The following ZNF438 variants were observed in gnomAD, a reference collection of about 807,000 sequenced individuals.
The protein encoded by ZNF438 is zinc finger protein 438.
ZNF438 carries 25 observed loss-of-function variants against 38.0 expected under a neutral mutation model. That is an observed-to-expected ratio of 0.66 (90% CI 0.48 to 0.92). ZNF438 has a LOEUF of 0.92. Among genes scored for constraint, ZNF438 ranks in the 40% least tolerant of loss-of-function variants. The pLI is 0.00. For missense variants in ZNF438, 1,007 were observed against 999.6 expected (o/e 1.01, Z -0.10); for synonymous variants, 372 against 364.1 (o/e 1.02, Z -0.25).
chr10:30,997,989 T>G (rs2054227879), intron 1 of ZNF438, among the ~76,000 whole-genome samples: 1 of 152,192 alleles, frequency 6.6e-6, no homozygotes, highest in South Asian at 2.1e-4. Flanking sequence ...TTTCTAGTTA[T>G]ATGAGACAAT....
chr10:30,914,163 T>C (rs1038972), intron 2 of ZNF438, among the ~76,000 whole-genome samples: 138,770 of 152,136 alleles, frequency 0.91, 63,486 homozygotes, highest in African/African-American at 0.98. Flanking sequence ...TAATATTAAT[T>C]TCGAGACAAT....
intron 1 of ZNF438, among the ~76,000 whole-genome samples, chr10:31,013,837 C>A (rs1301933330): frequency 1.3e-5 from 2 of 152,146 alleles, no homozygotes; most frequent in East Asian, 3.8e-4. Context: ...CATCCCCAGA[C>A]TTTATGTCTC....
intron 2 of ZNF438, among the ~76,000 whole-genome samples, chr10:30,912,941 A>T (rs1268766125): frequency 6.6e-6 from 1 of 152,064 alleles, no homozygotes; most frequent in Non-Finnish European, 1.5e-5. Context: ...TATTTTTAAT[A>T]CAGTTCTCTT....
chr10:31,007,790 T>C (rs1412767408), intron 1 of ZNF438, among the ~76,000 whole-genome samples: 5 of 152,208 alleles, frequency 3.3e-5, no homozygotes, highest in Non-Finnish European at 5.9e-5. Context: ...ACACACTTAA[T>C]AGCACTGAAA....
intron 1 of ZNF438, among the ~76,000 whole-genome samples, chr10:30,945,388 C>CTTTTTTTTTTTTTTTTTTTTTTTAT (rs61149961): frequency 7.1e-6 from 1 of 141,124 alleles, no homozygotes. Context: ...GATTCTTTTA[C>CTTTTTTTTTTTTTTTTTTTTTTTAT]TTTTTTTTTT....
At chr10:31,029,650 A>T (rs866765408) in intron 1 of ZNF438, among the ~76,000 whole-genome samples, 16 of 152,186 alleles carry the variant, frequency 1.1e-4, no homozygotes, top group Admixed American at 6.5e-4. Context: ...ACCCACTCTA[A>T]TCTACAGTTA....
chr10:30,869,735 A>T (rs1021088795), intron 4 of ZNF438, among the ~76,000 whole-genome samples: 7 of 152,268 alleles, frequency 4.6e-5, no homozygotes, highest in Admixed American at 4.6e-4. Context: ...CTTGCTCTGC[A>T]GCATAAAATG....
intron 2 of ZNF438, among the ~76,000 whole-genome samples, chr10:30,940,668 T>C (rs35171112): frequency 6.6e-6 from 1 of 152,160 alleles, no homozygotes; most frequent in Admixed American, 6.5e-5. Flanking sequence ...TAAAGCGTTT[T>C]AAAATTACTA....
chr10:31,015,602 C>T (rs1452500602), intron 1 of ZNF438, among the ~76,000 whole-genome samples: 1 of 152,186 alleles, frequency 6.6e-6, no homozygotes, highest in Admixed American at 6.5e-5. Context: ...TGAGATCATG[C>T]CACTGCACTC....
In ZNF438 at chr10:30,977,977, G is replaced by A. The variant is rs1338542496; in HGVS notation, c.-191-36326C>T. On this transcript the variant is annotated intron_variant, in intron 1 of 5. Coordinates refer to ENST00000413025, the Ensembl canonical transcript of ZNF438. Reference sequence around the variant, plus strand: ...AGGCTGGGTGACAGAGCAAGACTCCGTCTCCGAAAAAAAAAAAAAGATTCT... The same window carrying A: ...AGGCTGGGTGACAGAGCAAGACTCCATCTCCGAAAAAAAAAAAAAGATTCT... 3.3e-5 allele frequency among the ~76,000 whole-genome samples: 5 copies of A among 149,318 alleles called. 1 individual carries two copies. The highest frequency in any genetic ancestry group is 4.2e-4 in the South Asian group (2 of 4,710).
At chr10:30,877,496 T>C (rs1200512672) in intron 3 of ZNF438, among the ~76,000 whole-genome samples, 2 of 151,974 alleles carry the variant, frequency 1.3e-5, no homozygotes, top group Non-Finnish European at 2.9e-5. Context: ...AATGCAACTG[T>C]GAAGATTATG....
At chr10:30,942,200 T>A (rs951404601) in intron 1 of ZNF438, among the ~76,000 whole-genome samples, 1 of 151,808 alleles carries the variant, frequency 6.6e-6, no homozygotes, top group African/African-American at 2.4e-5. Context: ...AAGAGAGAAA[T>A]GGGGAGGGAG....
At chr10:30,885,736 G>C (rs1279239020) in intron 3 of ZNF438, among the ~76,000 whole-genome samples, 1 of 151,964 alleles carries the variant, frequency 6.6e-6, no homozygotes, top group Non-Finnish European at 1.5e-5. Context: ...GTGTTCTGAT[G>C]GAAATCAATG....
intron 2 of ZNF438, among the ~76,000 whole-genome samples, chr10:30,931,639 T>C (rs1220196315): frequency 1.3e-5 from 2 of 152,242 alleles, no homozygotes. Context: ...GGTAGCAGTA[T>C]CTTTGAGAAT....
intron 1 of ZNF438, among the ~76,000 whole-genome samples, chr10:30,955,235 G>A (rs2048734069): frequency 6.6e-6 from 1 of 152,194 alleles, no homozygotes. Flanking sequence ...TTGGAGGTGG[G>A]TGAGTAAATA....
chr10:30,921,917 C>A (rs961699655), intron 2 of ZNF438, among the ~76,000 whole-genome samples: 1 of 152,138 alleles, frequency 6.6e-6, no homozygotes, highest in Non-Finnish European at 1.5e-5. Context: ...AAATGCATAC[C>A]TCCTGGGATG....
intron 1 of ZNF438, among the ~76,000 whole-genome samples, chr10:30,994,708 G>C (rs566883569): frequency 1.5e-4 from 23 of 152,158 alleles, no homozygotes; most frequent in African/African-American, 5.1e-4. Context: ...GATGCCATTA[G>C]GAGAAAAAAG....
At chr10:30,943,005 C>A (rs1225121896) in intron 1 of ZNF438, among the ~76,000 whole-genome samples, 3 of 152,110 alleles carry the variant, frequency 2.0e-5, no homozygotes, top group Non-Finnish European at 4.4e-5. Context: ...CAAAGACTTC[C>A]AATTTAAGGA....
At chr10:30,850,698 T>A (rs1167817432) in intron 4 of ZNF438, among the ~76,000 whole-genome samples, 2 of 152,226 alleles carry the variant, frequency 1.3e-5, no homozygotes, top group Non-Finnish European at 2.9e-5. Flanking sequence ...ATTCTGCAAG[T>A]CCATCCTCTC....
Sources: allele counts gnomAD v4.1 joint callset (sites outside exome capture counted in the v4.1 genomes callset), GRCh38; gene constraint gnomAD v4.1.1; transcripts MANE v1.5; gene names NCBI Gene and HGNC (gene_info 2026-07-23, HGNC 2026-07-21).